Variants in MCF2L observed in about 807,000 individuals in gnomAD.
The protein encoded by MCF2L is MCF.2 cell line derived transforming sequence like, also known as guanine nucleotide exchange factor DBS.
A neutral mutation model predicts 153.4 loss-of-function variants in MCF2L; 97 were observed. That is an observed-to-expected ratio of 0.63 (90% CI 0.54 to 0.75). MCF2L has a LOEUF of 0.75. Ranked by LOEUF, MCF2L falls within the 30% of genes least tolerant of loss-of-function variation. The pLI is 0.00. For synonymous variants in MCF2L, 659 were observed against 632.2 expected, an observed-to-expected ratio of 1.04 and a Z score of -0.64; for missense variants, 1,347 against 1,495.2, an observed-to-expected ratio of 0.90 and a Z score of 1.64.
chr13:112,903,159 C>T (rs2081136204), intron 2 of MCF2L, among the ~76,000 whole-genome samples: 1 of 152,218 alleles, frequency 6.6e-6, no homozygotes, highest in African/African-American at 2.4e-5. Context: ...TTGCAAAATC[C>T]ATCCTCTGGC....
In MCF2L at chr13:113,064,978, A is replaced by T. The variant is rs1194937587; in HGVS notation, c.649A>T (p.Met217Leu). Reference sequence around the variant, plus strand: ...CCTCATGGTGAAGCAGACGGCTCAGATGCTGCAGTCCTTCGGGACCGAGCT... The same window carrying T: ...CCTCATGGTGAAGCAGACGGCTCAGTTGCTGCAGTCCTTCGGGACCGAGCT... ...FALMVKQTAQ[M>L]LQSFGTELAE... The change falls in exon 7 of 30, where the codon ATG becomes TTG. Residue 217 changes from methionine to leucine, a missense_variant. Coordinates refer to ENST00000535094, the MANE Select transcript of MCF2L (RefSeq NM_001112732.3). The surrounding 1 kb of genome is among the most constrained non-coding windows in gnomAD (Gnocchi z 6.0). 2.9e-5 allele frequency: 46 copies of T among 1,613,160 alleles called. No individual in the cohort carries two copies. Among genetic ancestry groups the T allele is most frequent in the Non-Finnish European group, 3.9e-5 (46 of 1,179,994 alleles).
intron 2 of MCF2L, among the ~76,000 whole-genome samples, chr13:112,958,657 A>T (rs575654922): frequency 6.6e-6 from 1 of 152,126 alleles, no homozygotes; most frequent in South Asian, 2.1e-4. Context: ...GGCTGACCGC[A>T]TGGACCATTT....
chr13:113,087,591 T>C, intron 22 of MCF2L, 116 bp from the exon 23 acceptor site: 1 of 1,131,680 alleles, frequency 8.8e-7, no homozygotes, highest in Admixed American at 2.0e-5. Flanking sequence ...ATTCTGCCAT[T>C]CTTAGCCCTC....
At chr13:112,982,552 G>A (rs1396165058) in intron 1 of MCF2L, among the ~76,000 whole-genome samples, 2 of 152,190 alleles carry the variant, frequency 1.3e-5, no homozygotes, top group Non-Finnish European at 2.9e-5. Flanking sequence ...TCCTGCGGAG[G>A]AGGGTGTGCG....
At chr13:113,089,900 C>T in intron 26 of MCF2L, 172 bp downstream of exon 26, 1 of 1,605,736 alleles carries the variant, frequency 6.2e-7, no homozygotes, top group Non-Finnish European at 8.5e-7. Flanking sequence ...CAGAAGAGCC[C>T]CTCCCTCTCC....
At chr13:113,089,357 G>A (rs1248102624) in intron 25 of MCF2L, among the ~76,000 whole-genome samples, 4 of 149,902 alleles carry the variant, frequency 2.7e-5, no homozygotes, top group African/African-American at 9.9e-5. Flanking sequence ...CTCAGAAGCA[G>A]GAGGGTGGGC....
chr13:113,094,886 G>A, intron 27 of MCF2L: 4 of 1,175,936 alleles, frequency 3.4e-6, no homozygotes, highest in Non-Finnish European at 4.7e-6. Flanking sequence ...AGGTCCACCT[G>A]GGCCTGGGTC....
Position 113,082,461 on chromosome 13 carries a change from C to T in MCF2L, c.1910C>T (p.Ala637Val), listed in dbSNP as rs2034237051. 2 of 1,613,900 alleles carry T rather than the reference C, an allele frequency of 1.2e-6. No homozygotes were observed. The highest frequency in any genetic ancestry group is 1.1e-5 in the South Asian group (1 of 91,084). ...YAAEMDNPLM[A>V]HLLSTGLHNK... ...GCGGAGATGGATAACCCACTGATGG[C>T]TCACCTCCTGTCAACAGGCCTTCAC... The change falls in exon 17 of 30, where the codon GCT (alanine) becomes GTT (valine). Residue 637 changes from alanine to valine, a missense_variant. Coordinates refer to ENST00000535094, the MANE Select transcript of MCF2L (RefSeq NM_001112732.3).
rs745939185 is a variant in MCF2L, at chr13:113,088,611, G to A, written c.2817G>A (p.Pro939=). The A allele has an allele frequency of 2.0e-5, 32 of 1,607,948 alleles. No individual in the cohort carries two copies. The highest frequency in any genetic ancestry group is 1.3e-4 in the East Asian group (6 of 44,870). Residue 939 remains proline (P), a synonymous_variant, in exon 25 of 30, where the codon CCG becomes CCA. Transcript: ENST00000535094. Reference sequence around the variant, plus strand: ...AGCAGTCACAGAGCCTGCCCCTGCCGGCCCCGACCAGCACCAGGTGAGAAT... The same window carrying A: ...AGCAGTCACAGAGCCTGCCCCTGCCAGCCCCGACCAGCACCAGGTGAGAAT... ...ALEQSQSLPL[P]APTSTSPSRG... is the part of the protein sequence containing the mutation.
chr13:112,922,807 C>T (rs771632883), intron 2 of MCF2L, among the ~76,000 whole-genome samples: 4 of 152,182 alleles, frequency 2.6e-5, no homozygotes, highest in Non-Finnish European at 5.9e-5. Context: ...TGCACTCCAG[C>T]GTGGGCGACA....
chr13:113,062,791 T>C (rs1247280116), intron 5 of MCF2L, among the ~76,000 whole-genome samples: 2 of 152,144 alleles, frequency 1.3e-5, no homozygotes, highest in African/African-American at 4.8e-5. Flanking sequence ...AACCCATGGA[T>C]GGAGTGACCT....
intron 1 of MCF2L, among the ~76,000 whole-genome samples, chr13:112,980,274 G>A (rs1472059661): frequency 6.6e-6 from 1 of 152,258 alleles, no homozygotes; most frequent in Non-Finnish European, 1.5e-5. Flanking sequence ...CAGTGCTTTT[G>A]TTCACTTCAG....
At chr13:113,060,280 AG>A (rs1180972443) in intron 4 of MCF2L, among the ~76,000 whole-genome samples, 14 of 152,240 alleles carry the variant, frequency 9.2e-5, no homozygotes, top group Non-Finnish European at 1.8e-4. Context: ...ACTGGGAGTT[AG>A]GCTTCGACAT....
At chr13:113,025,793 T>A (rs1249256684) in intron 3 of MCF2L, among the ~76,000 whole-genome samples, 8 of 112,116 alleles carry the variant, frequency 7.1e-5, no homozygotes, top group Admixed American at 3.6e-4. Flanking sequence ...GAGATTTCCC[T>A]GTCATGGGGT....
At chr13:113,088,789 G>T (rs142275007) in intron 25 of MCF2L, among the ~76,000 whole-genome samples, 161 bp downstream of exon 25, 99 of 152,366 alleles carry the variant, frequency 6.5e-4, no homozygotes, top group African/African-American at 1.8e-3. Flanking sequence ...GTCCCAGAGG[G>T]TGTACTTCAC....
chr13:112,950,004 A>AC (rs1237616901), intron 2 of MCF2L, among the ~76,000 whole-genome samples: 1 of 138,652 alleles, frequency 7.2e-6, no homozygotes, highest in Non-Finnish European at 1.5e-5. Context: ...CAAGGATTCT[A>AC]CAAAAAAAAA....
At chr13:113,057,595 GGTGCTGTGTGTTTGA>G (rs1464633350) in intron 4 of MCF2L, among the ~76,000 whole-genome samples, 21 of 139,374 alleles carry the variant, frequency 1.5e-4, no homozygotes, top group Admixed American at 4.3e-4. Context: ...TGTGTGTTTG[GGTGCTGTGTGTTTGA>G]GTGCTGTGTG....
At chr13:113,036,862 G>T (rs984222050) in intron 3 of MCF2L, among the ~76,000 whole-genome samples, 1 of 152,244 alleles carries the variant, frequency 6.6e-6, no homozygotes, top group Admixed American at 6.5e-5. Context: ...CAGATACCAA[G>T]TGGAACTTTT....
At chr13:113,051,024 G>T (rs905423332) in intron 4 of MCF2L, among the ~76,000 whole-genome samples, 2 of 152,240 alleles carry the variant, frequency 1.3e-5, no homozygotes, top group Admixed American at 6.5e-5. Flanking sequence ...GCGGCGACAC[G>T]GGGGTGGGGG....
Sources: allele counts gnomAD v4.1 joint callset (sites outside exome capture counted in the v4.1 genomes callset), GRCh38; gene constraint gnomAD v4.1.1; non-coding constraint Gnocchi (gnomAD v3.1); transcripts MANE v1.5; gene names NCBI Gene and HGNC (gene_info 2026-07-23, HGNC 2026-07-21).